Variants in C5orf34 observed in about 807,000 individuals in gnomAD.
The protein encoded by C5orf34 is uncharacterized protein C5orf34.
C5orf34 carries 73 observed loss-of-function variants against 78.4 expected under a neutral mutation model. That is an observed-to-expected ratio of 0.93 (90% CI 0.77 to 1.13). The LOEUF (loss-of-function observed/expected upper bound fraction) is 1.13. Ranked by LOEUF, C5orf34 falls within the 50% of genes most tolerant of loss-of-function variation. The pLI, the probability that C5orf34 is intolerant of heterozygous loss-of-function variation, is 0.00. For synonymous variants in C5orf34, 251 were observed against 246.6 expected (o/e 1.02, Z -0.17); for missense variants, 730 against 732.7 (o/e 1.00, Z 0.04).
At chr5:43,510,833 C>A (rs576008570) in intron 1 of C5orf34, among the ~76,000 whole-genome samples, 1 of 152,378 alleles carries the variant, frequency 6.6e-6, no homozygotes, top group East Asian at 1.9e-4. Flanking sequence ...TCCCAAAGTG[C>A]CAAGATTGCA....
At chr5:43,490,387 T>G in intron 11 of C5orf34, 1 of 284,226 alleles carries the variant, frequency 3.5e-6, no homozygotes, top group Non-Finnish European at 6.5e-6. Context: ...CATTTTCATG[T>G]TAAGTTTTCA....
chr5:43,492,349 GA>G, intron 9 of C5orf34, 40 bp from the exon 10 acceptor site: 3 of 1,313,258 alleles, frequency 2.3e-6, no homozygotes, highest in Non-Finnish European at 2.2e-6. Context: ...TTTTAGAACT[GA>G]AAAAAAGAAC....
intron 11 of C5orf34, among the ~76,000 whole-genome samples, chr5:43,489,952 C>T (rs1344465504): frequency 6.6e-6 from 1 of 152,064 alleles, no homozygotes; most frequent in Non-Finnish European, 1.5e-5. Context: ...TCCATCAGGT[C>T]TGAACTCCTA....
intron 6 of C5orf34, chr5:43,496,513 GAA>G: frequency 1.5e-6 from 2 of 1,317,676 alleles, no homozygotes; most frequent in Non-Finnish European, 2.0e-6. Context: ...CCCATTGTGG[GAA>G]AAAAAAGCCA....
Position 43,496,205 on chromosome 5 carries a change from T to C in C5orf34, c.1153-1604A>G. ...GCATCAATGATAGTCACATAGTACTTGCTGGTCTCAAATTTCCACAAGGAG... is the reference window on the plus strand; with the variant it reads ...GCATCAATGATAGTCACATAGTACTCGCTGGTCTCAAATTTCCACAAGGAG... On this transcript the variant is annotated intron_variant, in intron 6 of 12. Transcript: ENST00000306862. 1.9e-6 allele frequency: 3 copies of C among 1,560,728 alleles called. No individual in the cohort carries two copies. In the South Asian group the frequency reaches 3.3e-5, roughly 17 times the overall value.
At chr5:43,489,020 A>T (rs1745167990) in intron 11 of C5orf34, among the ~76,000 whole-genome samples, 1 of 152,122 alleles carries the variant, frequency 6.6e-6, no homozygotes, top group Admixed American at 6.5e-5. Context: ...GAAATATTTC[A>T]TAATTTTAAA....
intron 11 of C5orf34, among the ~76,000 whole-genome samples, chr5:43,489,588 A>T (rs1745198142): frequency 6.6e-6 from 1 of 152,132 alleles, no homozygotes; most frequent in Non-Finnish European, 1.5e-5. Context: ...CTTCCATCAC[A>T]ATTGTTTTTT....
In C5orf34 at chr5:43,509,157, A is replaced by C; in HGVS notation, c.183T>G (p.Ile61Met). 1 of 1,612,606 alleles carries C rather than the reference A, an allele frequency of 6.2e-7. No homozygotes were observed. The highest frequency in any genetic ancestry group is 8.5e-7 in the Non-Finnish European group (1 of 1,179,564). Residue 61 changes from isoleucine (I) to methionine (M), a missense_variant, in exon 2 of 13, where the codon ATT (isoleucine) becomes ATG (methionine). Physicochemically the swap from Ile to Met is conservative, Grantham distance 10. Coordinates refer to ENST00000306862, the MANE Select transcript of C5orf34 (RefSeq NM_198566.4). Reference protein sequence around the residue: ...ERIRQRTHFVISTYREQLQRA... With the variant: ...ERIRQRTHFVMSTYREQLQRA... ...TATCTTTACTTACTCTGTAAGTGCT[A>C]ATGACAAAATGTGTCCTTTGACGAA...
In C5orf34 at chr5:43,491,973, C is replaced by T. The variant is rs1042044563; in HGVS notation, c.1580+242G>A. ...GAGCCGAGATCGTGCCATTGTACTC[C>T]GGCCCAGGCCACAGGAGCAAAACTC... is the stretch of plus-strand genomic sequence containing the variant. On this transcript the variant is annotated intron_variant, in intron 10 of 12. Coordinates refer to ENST00000306862, the MANE Select transcript of C5orf34 (RefSeq NM_198566.4). Among the ~76,000 whole-genome samples the T allele has an allele frequency of 5.1e-4, 75 of 148,050 alleles. 2 individuals carry two copies. The highest frequency in any genetic ancestry group is 5.4e-4 in the Admixed American group (8 of 14,766).
At chr5:43,511,091 C>T (rs1454180626) in intron 1 of C5orf34, 22 of 174,526 alleles carry the variant, frequency 1.3e-4, no homozygotes, top group South Asian at 8.4e-4. Flanking sequence ...TGCCGGGCCG[C>T]GACCCCATCT....
intron 10 of C5orf34, 96 bp downstream of exon 10, chr5:43,492,119 T>C (rs1745309974): frequency 1.1e-5 from 9 of 785,394 alleles, no homozygotes; most frequent in Non-Finnish European, 1.8e-5. Context: ...ATGGAAAAAC[T>C]AAAAATATAT....
At position 43,512,535 on chromosome 5, in the gene C5orf34, G is replaced by A. The variant is rs991645489; in HGVS notation, c.-37+2271C>T. On this transcript the variant is annotated intron_variant, in intron 1 of 12. Transcript: ENST00000306862. ...CTTCATCCTACTAAACCTCATCAACGTGTAACAGCATTGTCTACATTCCCT... is the reference window on the plus strand; with the variant it reads ...CTTCATCCTACTAAACCTCATCAACATGTAACAGCATTGTCTACATTCCCT... Among the ~76,000 whole-genome samples, 6 of 152,028 alleles carry A rather than the reference G, an allele frequency of 3.9e-5. No individual in the cohort carries two copies. The East Asian group carries it at 5.8e-4, about 15-fold the overall frequency.
chr5:43,500,549 C>T (rs1016344119), intron 6 of C5orf34, among the ~76,000 whole-genome samples: 1 of 152,172 alleles, frequency 6.6e-6, no homozygotes, highest in Non-Finnish European at 1.5e-5. Context: ...ACAAGCACCA[C>T]CATGCCTGGC....
At chr5:43,503,213 G>C (rs1281875589) in intron 5 of C5orf34, among the ~76,000 whole-genome samples, 1 of 152,176 alleles carries the variant, frequency 6.6e-6, no homozygotes, top group East Asian at 1.9e-4. Flanking sequence ...TAATTCAATG[G>C]AACAGTGCTG....
intron 1 of C5orf34, among the ~76,000 whole-genome samples, chr5:43,512,367 C>T (rs1746305578): frequency 6.6e-6 from 1 of 152,234 alleles, no homozygotes; most frequent in South Asian, 2.1e-4. Context: ...TACCTATAAA[C>T]AGCTCAAGTG....
intron 1 of C5orf34, among the ~76,000 whole-genome samples, chr5:43,510,365 T>C (rs1367149975): frequency 1.3e-5 from 2 of 152,212 alleles, no homozygotes; most frequent in African/African-American, 4.8e-5. Flanking sequence ...TCTAAAGTAC[T>C]ATGTCTTCAC....
chr5:43,492,457 G>T, intron 9 of C5orf34, 148 bp from the exon 10 acceptor site: 1 of 635,948 alleles, frequency 1.6e-6, no homozygotes, highest in Non-Finnish European at 2.8e-6. Flanking sequence ...AGATATGGGT[G>T]TTATTTAACC....
intron 11 of C5orf34, 118 bp from the exon 12 acceptor site, chr5:43,488,067 A>C: frequency 1.4e-6 from 1 of 700,374 alleles, no homozygotes; most frequent in Non-Finnish European, 2.4e-6. Context: ...AGAACGCAGA[A>C]GAATTCTCTT....
At chr5:43,513,023 C>T (rs982383053) in intron 1 of C5orf34, among the ~76,000 whole-genome samples, 1 of 152,068 alleles carries the variant, frequency 6.6e-6, no homozygotes, top group Non-Finnish European at 1.5e-5. Flanking sequence ...ACCTCGTGAT[C>T]CACCCGTTTT....
Sources: allele counts gnomAD v4.1 joint callset (sites outside exome capture counted in the v4.1 genomes callset), GRCh38; gene constraint gnomAD v4.1.1; transcripts MANE v1.5; gene names NCBI Gene and HGNC (gene_info 2026-07-23, HGNC 2026-07-21).